Variants in C11orf65 observed in about 807,000 individuals in gnomAD.
C11orf65 encodes protein MFI.
C11orf65 carries 38 observed loss-of-function variants against 35.3 expected under a neutral mutation model. The observed-to-expected ratio is 1.08, with a 90% CI of 0.83 to 1.41. The LOEUF (loss-of-function observed/expected upper bound fraction) is 1.41, where lower values mean the gene tolerates loss of function less well. Ranked by LOEUF, C11orf65 falls within the 40% of genes most tolerant of loss-of-function variation. The pLI is 0.00. For synonymous variants in C11orf65, 105 were observed against 114.4 expected (o/e 0.92, Z 0.53); for missense variants, 370 against 367.1 (o/e 1.01, Z -0.06).
chr11:108,355,712 C>T (rs1296113257), intron 2 of C11orf65: 2 of 152,180 alleles, frequency 1.3e-5, no homozygotes, highest in Non-Finnish European at 2.9e-5. Flanking sequence ...CAAATTCAAA[C>T]CAGGTTTCTA....
chr11:108,446,985 A>G (rs1358495605), intron 2 of C11orf65, among the ~76,000 whole-genome samples: 5 of 152,192 alleles, frequency 3.3e-5, no homozygotes, highest in African/African-American at 1.2e-4. Flanking sequence ...TTGCAATCCT[A>G]GTCTCTGATA....
Position 108,312,772 on chromosome 11 carries a change from C to T in C11orf65, c.641-3701G>A, listed in dbSNP as rs1037087777. Among the ~76,000 whole-genome samples the T allele has an allele frequency of 3.3e-5, 5 of 152,288 alleles. No homozygotes were observed. The East Asian group carries it at 9.6e-4, about 29-fold the overall frequency. ...TTATGCCATGCATTTTCTGCCATAG[C>T]ACCCTGTTCATTTCCTTTATAGCAC... On this transcript the variant is annotated intron_variant, in intron 6 of 6. Coordinates refer to the C11orf65 transcript ENST00000525729.
At chr11:108,420,924 A>T (rs1224239794) in intron 3 of C11orf65, among the ~76,000 whole-genome samples, 10 of 152,104 alleles carry the variant, frequency 6.6e-5, no homozygotes, top group Admixed American at 6.5e-4. Context: ...CAAAATTCCA[A>T]TAGACTTTAA....
In C11orf65 at chr11:108,343,241, G is replaced by A. The variant is rs551411717; in HGVS notation, c.227-7949C>T. The stretch of plus-strand genomic sequence containing the variant: ...CTCCAGGTGGTTCCCCTCTCTCAGC[G>A]AAGTGGTGTTCTTGAATGGTGCACA... On this transcript the variant is annotated intron_variant, in intron 2 of 3. Coordinates refer to the C11orf65 transcript ENST00000524755. 4.3e-6 allele frequency: 7 copies of A among 1,613,962 alleles called. No individual in the cohort carries two copies. The highest frequency in any genetic ancestry group is 2.7e-5 in the African/African-American group (2 of 75,004).
exon 7 of C11orf65, chr11:108,308,772 G>C (rs1184330332): frequency 2.5e-5 from 12 of 476,762 alleles, no homozygotes; most frequent in Non-Finnish European, 4.2e-5. Context: ...TAATTCCTAT[G>C]TAGTCTTAAA....
intron 3 of C11orf65, among the ~76,000 whole-genome samples, chr11:108,426,419 T>C (rs562268289): frequency 6.6e-6 from 1 of 151,860 alleles, no homozygotes; most frequent in South Asian, 2.1e-4. Flanking sequence ...GAGAATAAAA[T>C]ACCTAGGAAT....
intron 6 of C11orf65, chr11:108,321,240 CATTT>C: frequency 1.3e-5 from 21 of 1,602,536 alleles, no homozygotes; most frequent in Non-Finnish European, 1.8e-5. Context: ...CAAATTTAAA[CATTT>C]ATTTCCCTGA....
rs771300240 is a variant in C11orf65 at position 108,384,048 on chromosome 11, G to GT, written c.788-874dup. Among the ~76,000 whole-genome samples, 19 of 152,150 alleles carry GT rather than the reference G, an allele frequency of 1.2e-4. No individual in the cohort carries two copies. In the East Asian group the frequency reaches 3.1e-3, roughly 25 times the overall value. ...CTGCTGACATTTTATTTTTTGTAGA[G>GT]TGAGAGTCTCTTTATGTTGCCCAGG... On this transcript the variant is annotated intron_variant, in intron 8 of 8. Coordinates refer to ENST00000393084, the MANE Select transcript of C11orf65 (RefSeq NM_152587.5).
intron 2 of C11orf65, among the ~76,000 whole-genome samples, chr11:108,448,179 AT>A (rs999825536): frequency 9.8e-5 from 15 of 152,364 alleles, no homozygotes; most frequent in African/African-American, 3.6e-4. Context: ...GACCAGATGG[AT>A]TCACAGCTGA....
intron 2 of C11orf65, among the ~76,000 whole-genome samples, chr11:108,453,158 GAAAAAAGAAAA>G (rs2093372420): frequency 7.6e-6 from 1 of 130,806 alleles, no homozygotes; most frequent in East Asian, 2.2e-4. Context: ...AAAAAAAAAA[GAAAAAAGAAAA>G]AAAAAAGAAA....
intron 8 of C11orf65, among the ~76,000 whole-genome samples, chr11:108,384,730 G>C (rs2091949303): frequency 6.6e-6 from 1 of 151,902 alleles, no homozygotes; most frequent in South Asian, 2.1e-4. Context: ...CTGAGGTCCA[G>C]GCCACTGCAC....
In C11orf65 at chr11:108,383,273, C is replaced by T. The variant is rs150814436; in HGVS notation, c.788-98G>A. 1.6e-5 allele frequency: 17 copies of T among 1,066,796 alleles called. 1 individual carries two copies. Among genetic ancestry groups the T allele is most frequent in the Middle Eastern group, 3.1e-4 (1 of 3,196 alleles). The allele number at this position is 1,066,796 out of a possible 1,614,324, so 66.1% of individuals were successfully genotyped here. On this transcript the variant is annotated intron_variant, in intron 8 of 8. Transcript: ENST00000393084. The stretch of plus-strand genomic sequence containing the variant: ...GTGGTCTGTTCCACATTCCTTTTCA[C>T]CATTCTTAAAGCAAATATCTTCACC...
At chr11:108,468,169 A>G (rs562804486), upstream of C11orf65, among the ~76,000 whole-genome samples, 2 of 152,276 alleles carry the variant, frequency 1.3e-5, no homozygotes, top group East Asian at 1.9e-4. Context: ...TAATTTATTC[A>G]TTTGAAAATG....
chr11:108,362,683 G>T (rs1460401786), intron 2 of C11orf65, among the ~76,000 whole-genome samples: 1 of 146,852 alleles, frequency 6.8e-6, no homozygotes, highest in Non-Finnish European at 1.5e-5. Context: ...ATCATTCTCA[G>T]TAAACTATCG....
intron 2 of C11orf65, among the ~76,000 whole-genome samples, chr11:108,432,119 C>G (rs1288225893): frequency 6.6e-6 from 1 of 152,152 alleles, no homozygotes. Flanking sequence ...AGTGTACTCT[C>G]CAGAGTAATC....
intron 6 of C11orf65, among the ~76,000 whole-genome samples, chr11:108,402,583 T>C (rs2092458157): frequency 6.6e-6 from 1 of 152,138 alleles, no homozygotes; most frequent in Admixed American, 6.5e-5. Flanking sequence ...TACTATTTTA[T>C]TGAGGTATGG....
chr11:108,426,371 C>T (rs1485017022), intron 3 of C11orf65, among the ~76,000 whole-genome samples: 2 of 151,992 alleles, frequency 1.3e-5, no homozygotes, highest in East Asian at 1.9e-4. Context: ...ATCAGAGACC[C>T]AAATAATGAG....
intron 6 of C11orf65, chr11:108,309,110 A>C: frequency 8.6e-7 from 1 of 1,163,208 alleles, no homozygotes; most frequent in Non-Finnish European, 1.2e-6. Context: ...AAACGGGTAA[A>C]GACATGCATT....
Position 108,331,498 on chromosome 11 carries a change from G to C in C11orf65, c.*52C>G, listed in dbSNP as rs769142993. 15 of 1,613,158 alleles carry C rather than the reference G, an allele frequency of 9.3e-6. No homozygotes were observed. On this transcript the variant is annotated 3_prime_UTR_variant, in exon 4 of 4. Transcript: ENST00000524755. ...ATTTTTGCCTCTTATGTACCAATTG[G>C]CTGCTAGAATGGGGACCAAGATGAT...
Sources: gnomAD v4.1 joint callset for allele counts (sites outside exome capture counted in the v4.1 genomes callset) on GRCh38, gnomAD v4.1.1 for gene constraint, MANE v1.5 for transcripts, NCBI Gene and HGNC (gene_info 2026-07-23, HGNC 2026-07-21) for gene names.